CD244: variants seen among roughly 807,000 people sequenced by gnomAD.
CD244 encodes the protein CD244 molecule, also known as natural killer cell receptor 2B4.
A neutral mutation model predicts 45.5 loss-of-function variants in CD244; 20 were observed. The observed-to-expected ratio is 0.44, with a 90% CI of 0.31 to 0.64. The LOEUF (loss-of-function observed/expected upper bound fraction) is 0.64, where lower values mean the gene tolerates loss of function less well. Among genes scored for constraint, CD244 ranks in the 30% least tolerant of loss-of-function variants. The probability of loss-of-function intolerance (pLI) is 0.08; values close to 1 mark genes in which losing one functional copy is unlikely to be tolerated. For synonymous variants in CD244, 185 were observed against 160.5 expected (o/e 1.15, Z -1.15); for missense variants, 407 against 426.9 (o/e 0.95, Z 0.41).
intron 1 of CD244, among the ~76,000 whole-genome samples, chr1:160,848,908 C>A (rs1395913881): frequency 6.6e-6 from 1 of 152,198 alleles, no homozygotes; most frequent in African/African-American, 2.4e-5. Context: ...TTTATGTGAG[C>A]CACTCCAGCA....
At chr1:160,835,981 G>A (rs1283448653) in intron 6 of CD244, among the ~76,000 whole-genome samples, 1 of 152,188 alleles carries the variant, frequency 6.6e-6, no homozygotes, top group African/African-American at 2.4e-5. Flanking sequence ...GGAAGAAGAA[G>A]GAATGTCCAC....
intron 7 of CD244, 162 bp from the exon 8 acceptor site, chr1:160,832,737 GTGT>G: frequency 6.9e-7 from 1 of 1,450,156 alleles, no homozygotes; most frequent in Non-Finnish European, 9.3e-7. Flanking sequence ...CAAAACAATG[GTGT>G]TTATGGTCTC....
intron 6 of CD244, 103 bp from the exon 7 acceptor site, chr1:160,834,219 G>T: frequency 1.2e-6 from 1 of 860,102 alleles, no homozygotes; most frequent in Non-Finnish European, 1.9e-6. Context: ...CCAGATGGAA[G>T]CTTCAAGTGT....
intron 1 of CD244, among the ~76,000 whole-genome samples, chr1:160,855,255 G>T (rs1262069104): frequency 6.6e-6 from 1 of 152,310 alleles, no homozygotes; most frequent in African/African-American, 2.4e-5. Flanking sequence ...TTGGGGAACA[G>T]GAGAAGCTGT....
At chr1:160,835,850 T>TAA (rs1669313828) in intron 6 of CD244, among the ~76,000 whole-genome samples, 1 of 152,108 alleles carries the variant, frequency 6.6e-6, no homozygotes, top group African/African-American at 2.4e-5. Context: ...GGAATAGGGA[T>TAA]AAAAAGTGCA....
chr1:160,847,708 A>G (rs1326134330), intron 1 of CD244, among the ~76,000 whole-genome samples: 3 of 152,212 alleles, frequency 2.0e-5, no homozygotes, highest in Non-Finnish European at 4.4e-5. Flanking sequence ...AGGGAAATTT[A>G]TAGCTTTAAA....
chr1:160,854,664 C>T (rs758565088), intron 1 of CD244, among the ~76,000 whole-genome samples: 11 of 151,882 alleles, frequency 7.2e-5, no homozygotes, highest in Non-Finnish European at 1.2e-4. Context: ...AAAGTTCTGG[C>T]GTGAGCCACC....
intron 1 of CD244, among the ~76,000 whole-genome samples, chr1:160,861,532 C>A (rs1301283991): frequency 1.3e-5 from 2 of 152,170 alleles, no homozygotes; most frequent in Non-Finnish European, 2.9e-5. Flanking sequence ...AGTCACTGAT[C>A]TAAAATGCAG....
At chr1:160,837,741 G>A (rs1279622749) in intron 5 of CD244, among the ~76,000 whole-genome samples, 5 of 152,258 alleles carry the variant, frequency 3.3e-5, no homozygotes, top group African/African-American at 1.2e-4. Flanking sequence ...CTTCCTGCCA[G>A]CAGTTTGGTA....
intron 3 of CD244, 36 bp downstream of exon 3, chr1:160,841,174 T>C (rs1313396459): frequency 6.2e-7 from 1 of 1,608,226 alleles, no homozygotes; most frequent in East Asian, 2.2e-5. Context: ...GGTCCAAACC[T>C]TCAGCGCTTG....
intron 1 of CD244, chr1:160,848,406 A>T: frequency 1.8e-6 from 1 of 557,044 alleles, no homozygotes; most frequent in South Asian, 1.4e-5. Context: ...GGCAAGTTGA[A>T]AGGGGGCATG....
chr1:160,854,275 C>G lies in CD244; in HGVS notation c.61+8342G>C, dbSNP rs188991319. On this transcript the variant is annotated intron_variant, in intron 1 of 8. Transcript: ENST00000368034. ...TAACGTAAACTCCCATATAATCCACCAGTAGATCAGAATGTAGAGCGCTAT... is the reference window on the plus strand; with the variant it reads ...TAACGTAAACTCCCATATAATCCACGAGTAGATCAGAATGTAGAGCGCTAT... Among the ~76,000 whole-genome samples the G allele has an allele frequency of 7.2e-5, 11 of 152,204 alleles. No homozygotes were observed. In the East Asian group the frequency reaches 2.1e-3, roughly 29 times the overall value.
intron 1 of CD244, among the ~76,000 whole-genome samples, chr1:160,847,152 G>C (rs549565): frequency 6.6e-6 from 1 of 151,614 alleles, no homozygotes; most frequent in Non-Finnish European, 1.5e-5. Context: ...CAATTAAGTA[G>C]GAATAAACAA....
chr1:160,858,461 T>G (rs1248782530), intron 1 of CD244, among the ~76,000 whole-genome samples: 1 of 152,148 alleles, frequency 6.6e-6, no homozygotes, highest in Non-Finnish European at 1.5e-5. Flanking sequence ...ATTCATAGCC[T>G]CCAGCCTGTG....
At chr1:160,832,864 G>C (rs1216915924) in intron 7 of CD244, 2 of 329,720 alleles carry the variant, frequency 6.1e-6, no homozygotes, top group Admixed American at 8.1e-5. Context: ...ATATGTGTGT[G>C]TGTGTGTATA....
intron 1 of CD244, among the ~76,000 whole-genome samples, chr1:160,856,686 A>G (rs1380967472): frequency 6.6e-6 from 1 of 152,308 alleles, no homozygotes; most frequent in Admixed American, 6.5e-5. Context: ...TCTTAAGGGT[A>G]GAATAGACAT....
chr1:160,830,992 G>T lies in CD244; in HGVS notation c.*355C>A. Reference sequence around the variant, plus strand: ...TAGAAATGCAGTCAACCCAGAGAGGGGAGAAAAGGAAACAAGTGACAGCTT... The same window carrying T: ...TAGAAATGCAGTCAACCCAGAGAGGTGAGAAAAGGAAACAAGTGACAGCTT... On this transcript the variant is annotated 3_prime_UTR_variant, in exon 9 of 9. Transcript: ENST00000368034. 5.2e-6 allele frequency: 1 copy of T among 191,096 alleles called. No homozygotes were observed. The highest frequency in any genetic ancestry group is 1.1e-5 in the Non-Finnish European group (1 of 90,736). The allele number at this position is 191,096 out of a possible 1,614,324, so 11.8% of individuals were successfully genotyped here. A position where few individuals can be genotyped will look rare whatever the true frequency, so the allele number is the denominator to read the frequency against.
Position 160,836,071 on chromosome 1 carries a change from A to T in CD244, c.894+124T>A. On this transcript the variant is annotated intron_variant, in intron 6 of 8. Transcript: ENST00000368034. Reference sequence around the variant, plus strand: ...TAATGTGTTAATGCAACTGAAGCCAAGCTATCTTCTGGATTCTAGAAGCAC... The same window carrying T: ...TAATGTGTTAATGCAACTGAAGCCATGCTATCTTCTGGATTCTAGAAGCAC... The T allele has an allele frequency of 4.0e-6, 3 of 741,174 alleles. No homozygotes were observed. In the South Asian group the frequency reaches 4.6e-5, roughly 11 times the overall value. 45.9% of individuals were successfully genotyped at this position (741,174 alleles called of 1,614,324 possible). A position where few individuals can be genotyped will look rare whatever the true frequency, so the allele number is the denominator to read the frequency against.
Position 160,838,480 on chromosome 1 carries a change from C to T in CD244, c.805G>A (p.Val269Ile), listed in dbSNP as rs1427127079. 1 of 1,613,808 alleles carries T rather than the reference C, an allele frequency of 6.2e-7. No individual in the cohort carries two copies. Among genetic ancestry groups the T allele is most frequent in the South Asian group, 1.1e-5 (1 of 91,076 alleles). ...TTTCTCCTGGTTTTCAGATCCTTGA[C>T]ATCTTCGTAAATTGTCAAAAATTCC... ...PKEFLTIYED[V>I]KDLKTRRNHE... is the part of the protein sequence containing the mutation. The change falls in exon 5 of 9, where the codon GTC (valine) becomes ATC (isoleucine). Residue 269 changes from valine (V) to isoleucine (I), a missense_variant. Coordinates refer to ENST00000368034, the MANE Select transcript of CD244 (RefSeq NM_016382.4).
Sources: gnomAD v4.1 joint callset for allele counts (sites outside exome capture counted in the v4.1 genomes callset) on GRCh38, gnomAD v4.1.1 for gene constraint, MANE v1.5 for transcripts, NCBI Gene and HGNC (gene_info 2026-07-23, HGNC 2026-07-21) for gene names.